The following C14orf132 variants were observed in gnomAD, a reference collection of about 807,000 sequenced individuals.
C14orf132 encodes the protein chromosome 14 open reading frame 132, also known as uncharacterized protein C14orf132.
A neutral mutation model predicts 5.8 loss-of-function variants in C14orf132; 6 were observed. That is an observed-to-expected ratio of 1.03 (90% CI 0.57 to 2.04). The LOEUF is 2.04. Ranked by LOEUF, C14orf132 falls within the 30% of genes most tolerant of loss-of-function variation. The pLI is 0.00. For missense variants in C14orf132, 125 were observed against 115.8 expected, an observed-to-expected ratio of 1.08 and a Z score of -0.37; for synonymous variants, 51 against 49.8, an observed-to-expected ratio of 1.02 and a Z score of -0.10.
In C14orf132 at chr14:96,066,776, A is replaced by G. The variant is rs534181088; in HGVS notation, c.28-19735A>G. 2.0e-5 allele frequency among the ~76,000 whole-genome samples: 3 copies of G among 152,316 alleles called. No individual in the cohort carries two copies. In the East Asian group the frequency reaches 5.8e-4, roughly 29 times the overall value. ...ATAAGATAATGTAACATAACATAAT[A>G]TATTGTAATGTAATATAATAGAATG... is the stretch of plus-strand genomic sequence containing the variant. On this transcript the variant is annotated intron_variant, in intron 1 of 1. Coordinates refer to ENST00000555004, the MANE Select transcript of C14orf132 (RefSeq NM_001252507.3).
At chr14:96,077,006 A>T (rs752114000) in intron 1 of C14orf132, among the ~76,000 whole-genome samples, 23 of 152,218 alleles carry the variant, frequency 1.5e-4, no homozygotes, top group Non-Finnish European at 2.5e-4. Flanking sequence ...TGATCAGAAG[A>T]CATATTTCAT....
At chr14:96,085,917 A>T (rs954758603) in intron 1 of C14orf132, among the ~76,000 whole-genome samples, 4 of 152,118 alleles carry the variant, frequency 2.6e-5, no homozygotes, top group African/African-American at 9.7e-5. Flanking sequence ...AACAGGGATT[A>T]AAAAACACGT....
chr14:96,057,639 G>T, intron 1 of C14orf132, among the ~76,000 whole-genome samples: 1 of 152,172 alleles, frequency 6.6e-6, no homozygotes, highest in Non-Finnish European at 1.5e-5. Context: ...AAACAATGCA[G>T]GAGTGATGTC....
At chr14:96,051,101 T>C in intron 1 of C14orf132, 1 of 398,536 alleles carries the variant, frequency 2.5e-6, no homozygotes, top group Non-Finnish European at 4.4e-6. Flanking sequence ...AAAATGTGAG[T>C]AACATACATA....
At chr14:96,058,218 G>A (rs962809082) in intron 1 of C14orf132, among the ~76,000 whole-genome samples, 8 of 151,990 alleles carry the variant, frequency 5.3e-5, no homozygotes, top group African/African-American at 9.7e-5. Context: ...CTCCTCACTC[G>A]GTCACTGTAC....
intron 1 of C14orf132, among the ~76,000 whole-genome samples, chr14:96,042,152 G>C (rs561059984): frequency 6.6e-6 from 1 of 152,206 alleles, no homozygotes; most frequent in Non-Finnish European, 1.5e-5. Context: ...TATATCTCCT[G>C]GTGGGCCTGG....
chr14:96,057,877 C>T (rs1006095824), intron 1 of C14orf132, among the ~76,000 whole-genome samples: 4 of 152,154 alleles, frequency 2.6e-5, no homozygotes, highest in African/African-American at 9.7e-5. Flanking sequence ...TCCTTCACGT[C>T]TCTTGGTTCC....
At chr14:96,049,288 C>T (rs1341544366) in intron 1 of C14orf132, among the ~76,000 whole-genome samples, 1 of 151,904 alleles carries the variant, frequency 6.6e-6, no homozygotes, top group Non-Finnish European at 1.5e-5. Context: ...ATTTTAAAAT[C>T]CAATCTAACA....
rs193275389 is a variant in C14orf132 at position 96,049,573 on chromosome 14, T to C, written c.27+10046T>C. Reference sequence around the variant, plus strand: ...ATATACATATATACGTATATATACATATATACGTATATATATACATATATA... The same window carrying C: ...ATATACATATATACGTATATATACACATATACGTATATATATACATATATA... On this transcript the variant is annotated intron_variant, in intron 1 of 1. Transcript: ENST00000555004. Among the ~76,000 whole-genome samples the C allele has an allele frequency of 2.8e-3, 340 of 121,868 alleles. 2 individuals are homozygous for C. The highest frequency in any genetic ancestry group is 4.5e-3 in the Non-Finnish European group (236 of 52,206). 80.0% of individuals were successfully genotyped at this position (121,868 alleles called of 152,430 possible). A position where few individuals can be genotyped will look rare whatever the true frequency, so the allele number is the denominator to read the frequency against.
intron 1 of C14orf132, among the ~76,000 whole-genome samples, chr14:96,059,701 C>A (rs1481033658): frequency 2.0e-5 from 3 of 152,214 alleles, no homozygotes; most frequent in African/African-American, 7.2e-5. Context: ...TCCCATGCCA[C>A]TGCTTCAGCC....
chr14:96,067,010 G>A, intron 1 of C14orf132, among the ~76,000 whole-genome samples: 1 of 152,132 alleles, frequency 6.6e-6, no homozygotes, highest in African/African-American at 2.4e-5. Flanking sequence ...CCCTCTCTGA[G>A]CTCCAAACCT....
chr14:96,049,588 A>ATACGTATATACGTATATATG (rs1886953434), intron 1 of C14orf132, among the ~76,000 whole-genome samples: 2 of 107,150 alleles, frequency 1.9e-5, no homozygotes, highest in East Asian at 4.3e-4. Flanking sequence ...ACGTATATAT[A>ATACGTATATACGTATATATG]TACATATATA....
In C14orf132 at chr14:96,093,554, A is replaced by C. The variant is rs936886414; in HGVS notation, c.*6819A>C. 1 of 152,230 alleles carries C rather than the reference A, an allele frequency of 6.6e-6. No homozygotes were observed. Among genetic ancestry groups the C allele is most frequent in the South Asian group, 2.1e-4 (1 of 4,830 alleles). The allele number at this position is 152,230 out of a possible 1,614,324, so 9.4% of individuals were successfully genotyped here. A position where few individuals can be genotyped will look rare whatever the true frequency, so the allele number is the denominator to read the frequency against. On this transcript the variant is annotated 3_prime_UTR_variant, in exon 2 of 2. Coordinates refer to ENST00000555004, the MANE Select transcript of C14orf132 (RefSeq NM_001252507.3). ...ACTATTATAACTTGCTACTCTCCAG[A>C]TACCAATTCTTCATGCCGAGAGCAT... is the stretch of plus-strand genomic sequence containing the variant.
At chr14:96,086,463 G>T in intron 1 of C14orf132, 48 bp from the exon 2 acceptor site, 3 of 1,506,380 alleles carry the variant, frequency 2.0e-6, no homozygotes, top group Non-Finnish European at 2.7e-6. Context: ...GGGTACATCT[G>T]CCCAAGCCCC....
At chr14:96,073,100 T>TA (rs1223766732) in intron 1 of C14orf132, among the ~76,000 whole-genome samples, 2 of 152,172 alleles carry the variant, frequency 1.3e-5, no homozygotes, top group Non-Finnish European at 2.9e-5. Flanking sequence ...CACAGCAAGG[T>TA]ACAAGAGTTC....
chr14:96,040,368 G>T (rs1886658914), intron 1 of C14orf132: 2 of 398,514 alleles, frequency 5.0e-6, no homozygotes, highest in Non-Finnish European at 8.8e-6. Context: ...GCCTGGGAGA[G>T]TAAGTCCCAA....
intron 1 of C14orf132, among the ~76,000 whole-genome samples, chr14:96,068,444 G>T (rs2139666574): frequency 6.6e-6 from 1 of 152,308 alleles, no homozygotes; most frequent in South Asian, 2.1e-4. Flanking sequence ...CAGATTCGTG[G>T]GCGCTGATTC....
chr14:96,042,786 G>A (rs1886728905), intron 1 of C14orf132, among the ~76,000 whole-genome samples: 1 of 152,138 alleles, frequency 6.6e-6, no homozygotes, highest in Non-Finnish European at 1.5e-5. Flanking sequence ...CTGAGCCCTG[G>A]AGGCTCCCAG....
At position 96,039,409 on chromosome 14, in the gene C14orf132, C is replaced by A; in HGVS notation, c.-92C>A. 7.6e-7 allele frequency: 1 copy of A among 1,310,590 alleles called. No homozygotes were observed. Among genetic ancestry groups the A allele is most frequent in the Non-Finnish European group, 1.0e-6 (1 of 1,001,652 alleles). The allele number at this position is 1,310,590 out of a possible 1,614,324, so 81.2% of individuals were successfully genotyped here. A position where few individuals can be genotyped will look rare whatever the true frequency, so the allele number is the denominator to read the frequency against. On this transcript the variant is annotated 5_prime_UTR_variant, in exon 1 of 2. The change creates a new upstream start codon in the 5' untranslated region. Coordinates refer to ENST00000555004, the MANE Select transcript of C14orf132 (RefSeq NM_001252507.3). The surrounding 1 kb of genome is among the most constrained non-coding windows in gnomAD (Gnocchi z 5.3). ...GCGCCGTGCGGTCTCCGGACGCTCG[C>A]TGCTCAGCCCGATCCCCGCCAACTG...
Sources: allele counts gnomAD v4.1 joint callset (sites outside exome capture counted in the v4.1 genomes callset), GRCh38; gene constraint gnomAD v4.1.1; non-coding constraint Gnocchi (gnomAD v3.1); transcripts MANE v1.5; gene names NCBI Gene and HGNC (gene_info 2026-07-23, HGNC 2026-07-21).